The following KIF1A variants were observed in gnomAD, a reference collection of about 807,000 sequenced individuals.
The protein encoded by KIF1A is kinesin-like protein KIF1A.
In KIF1A, 46 loss-of-function variants were observed where a neutral mutation model predicts 227.3. The ratio of observed to expected loss-of-function variants is 0.20; its 90% confidence interval spans 0.16 to 0.26. The LOEUF is 0.26. Ranked by LOEUF, KIF1A falls within the 10% of genes least tolerant of loss-of-function variation. The pLI, the probability that KIF1A is intolerant of heterozygous loss-of-function variation, is 1.00. For synonymous variants in KIF1A, 1,022 were observed against 1,012.8 expected (o/e 1.01, Z -0.17); for missense variants, 1,683 against 2,485.9 (o/e 0.68, Z 6.87).
Position 240,725,510 on chromosome 2 carries a change from C to T in KIF1A, c.4123-106G>A. On this transcript the variant is annotated intron_variant, in intron 39 of 48. Transcript: ENST00000498729. The surrounding 1 kb of genome is among the most constrained non-coding windows in gnomAD (Gnocchi z 5.8). ...AATGCCCAGCACCGACAGGCAGCCC[C>T]AGGGCCTTCCCAGGGCCTCAGGTGT... is the stretch of plus-strand genomic sequence containing the variant. The T allele has an allele frequency of 1.5e-6, 2 of 1,298,580 alleles. No individual in the cohort carries two copies. The highest frequency in any genetic ancestry group is 2.2e-5 in the Admixed American group (1 of 45,884). 80.4% of individuals were successfully genotyped at this position (1,298,580 alleles called of 1,614,324 possible).
Position 240,721,868 on chromosome 2 carries a change from G to T in KIF1A, c.4682C>A (p.Thr1561Lys). 1 of 1,606,178 alleles carries T rather than the reference G, an allele frequency of 6.2e-7. No individual in the cohort carries two copies. ...ELAVKCLRLL[T>K]HTFNREYTHS... ...TGTGTACTCTCTGTTGAATGTGTGC[G>T]TGAGCAGGCGCAAGCACTGTGGACA... The change falls in exon 44 of 49, where the codon ACG (threonine) becomes AAG (lysine). Residue 1561 changes from threonine (T) to lysine (K), a missense_variant. Thr to Lys is a moderately conservative substitution (Grantham distance 78). This residue lies in a region of KIF1A where 384 missense variants were observed against 410.1 expected (regional missense o/e 0.94). Coordinates refer to ENST00000498729, the MANE Select transcript of KIF1A (RefSeq NM_001244008.2).
intron 1 of KIF1A, among the ~76,000 whole-genome samples, chr2:240,815,221 T>C (rs1220057461): frequency 6.6e-6 from 1 of 152,116 alleles, no homozygotes; most frequent in African/African-American, 2.4e-5. Flanking sequence ...CACCGACCCA[T>C]GACCTTGAGC....
rs67736580 is a variant in KIF1A, at chr2:240,766,722, A to ATCTCTC, written c.1684+187_1684+192dup. Among the ~76,000 whole-genome samples, 53 of 122,690 alleles carry ATCTCTC rather than the reference A, an allele frequency of 4.3e-4. No homozygotes were observed. Among genetic ancestry groups the ATCTCTC allele is most frequent in the Admixed American group, 1.4e-3 (17 of 12,428 alleles). The allele number at this position is 122,690 out of a possible 152,430, so 80.5% of individuals were successfully genotyped here. On this transcript the variant is annotated intron_variant, in intron 19 of 48. Coordinates refer to ENST00000498729, the MANE Select transcript of KIF1A (RefSeq NM_001244008.2). The surrounding 1 kb of genome is among the most constrained non-coding windows in gnomAD (Gnocchi z 5.0). Reference sequence around the variant, plus strand: ...CCCAAATATCTCTCTCTCTCTCCAAATCTCTCTCTCTCTCTCTCTCTCTCT... The same window carrying ATCTCTC: ...CCCAAATATCTCTCTCTCTCTCCAAATCTCTCTCTCTCTCTCTCTCTCTCTCTCTCT...
Position 240,793,440 on chromosome 2 carries a change from G to C in KIF1A, c.107-4128C>G, listed in dbSNP as rs866741779. 5.3e-5 allele frequency among the ~76,000 whole-genome samples: 8 copies of C among 152,214 alleles called. No homozygotes were observed. Among genetic ancestry groups the C allele is most frequent in the Admixed American group, 6.5e-5 (1 of 15,288 alleles). On this transcript the variant is annotated intron_variant, in intron 2 of 48. Transcript: ENST00000498729. The surrounding 1 kb of genome is among the most constrained non-coding windows in gnomAD (Gnocchi z 4.8). ...CCCCTCACTCCAGGAACTCACTTCAGGGGCCGCACATGGCTGAGGGTCCGC... is the reference window on the plus strand; with the variant it reads ...CCCCTCACTCCAGGAACTCACTTCACGGGCCGCACATGGCTGAGGGTCCGC...
Position 240,718,995 on chromosome 2 carries a change from C to T in KIF1A, c.5214+11G>A. 1.9e-6 allele frequency: 3 copies of T among 1,593,770 alleles called. No homozygotes were observed. Among genetic ancestry groups the T allele is most frequent in the East Asian group, 2.3e-5 (1 of 44,248 alleles). ...TCCTGGTGCCCGAGCCTGAGCCGGG[C>T]CCAGCCGCACCTTGAGCATAGCCTG... On this transcript the variant is annotated intron_variant, in intron 47 of 48. Coordinates refer to ENST00000498729, the MANE Select transcript of KIF1A (RefSeq NM_001244008.2).
rs1244017531 is a variant in KIF1A, at chr2:240,752,100, G to A, written c.2859-1553C>T. Among the ~76,000 whole-genome samples the A allele has an allele frequency of 1.3e-5, 2 of 151,848 alleles. No individual in the cohort carries two copies. Among genetic ancestry groups the A allele is most frequent in the East Asian group, 1.9e-4 (1 of 5,140 alleles). On this transcript the variant is annotated intron_variant, in intron 27 of 48. Transcript: ENST00000498729. The surrounding 1 kb of genome is among the most constrained non-coding windows in gnomAD (Gnocchi z 6.4). ...TGAAAGTCTCCTCAGGCCTCTCTCC[G>A]GGGGTAAAGGAAGCCCCTGGTGGCT...
In KIF1A at chr2:240,765,801, A is replaced by G. The variant is rs2051096213; in HGVS notation, c.1685-8T>C. On this transcript the variant is annotated splice_polypyrimidine_tract_variant and splice_region_variant and intron_variant, in intron 19 of 48. Transcript: ENST00000498729. The stretch of plus-strand genomic sequence containing the variant: ...GCTCCAAGGTCACCACAGCTACAGG[A>G]AAGGTGGGAGGGGCAGAGAGGAGGA... 10 of 1,610,944 alleles carry G rather than the reference A, an allele frequency of 6.2e-6. No individual in the cohort carries two copies. Among genetic ancestry groups the G allele is most frequent in the Non-Finnish European group, 8.5e-6 (10 of 1,177,542 alleles).
intron 5 of KIF1A, among the ~76,000 whole-genome samples, chr2:240,786,725 G>A: frequency 6.8e-6 from 1 of 147,724 alleles, no homozygotes; most frequent in Non-Finnish European, 1.5e-5. Flanking sequence ...TGAGTGAGGG[G>A]GTGGGGGCTG....
rs73102644 is a variant in KIF1A, at chr2:240,766,430, T to A, written c.1684+485A>T. 0.054 allele frequency among the ~76,000 whole-genome samples: 8,159 copies of A among 152,258 alleles called. 232 individuals are homozygous for A. The highest frequency in any genetic ancestry group is 0.068 in the African/African-American group (2,817 of 41,550). The stretch of plus-strand genomic sequence containing the variant: ...TGGGCAGGCAGGGGAAACGGACAGA[T>A]GGCCGCCCACAGCCAACAGGAAACC... On this transcript the variant is annotated intron_variant, in intron 19 of 48. Transcript: ENST00000498729. This position sits in a 1 kb window ranked among gnomAD's most constrained non-coding sequence, Gnocchi z 5.0.
chr2:240,721,530 G>A (rs1036667058), intron 44 of KIF1A, among the ~76,000 whole-genome samples: 2 of 152,196 alleles, frequency 1.3e-5, no homozygotes, highest in Non-Finnish European at 2.9e-5. Context: ...CAGACAGGGT[G>A]GGGGCCAGGA....
At chr2:240,779,872 C>T (rs1228386853) in intron 10 of KIF1A, among the ~76,000 whole-genome samples, 2 of 152,242 alleles carry the variant, frequency 1.3e-5, no homozygotes, top group Non-Finnish European at 2.9e-5. Context: ...CACATGGCTC[C>T]ACACGCAGGC....
At position 240,758,883 on chromosome 2, in the gene KIF1A, G is replaced by C. The variant is rs963273999; in HGVS notation, c.2445-386C>G. ...AGGCCACAGAGGCGCAAGAGCTCGAGGAATAAAGGGCAAACTGGGGGTAGG... is the reference window on the plus strand; with the variant it reads ...AGGCCACAGAGGCGCAAGAGCTCGACGAATAAAGGGCAAACTGGGGGTAGG... On this transcript the variant is annotated intron_variant, in intron 25 of 48. Coordinates refer to ENST00000498729, the MANE Select transcript of KIF1A (RefSeq NM_001244008.2). This position sits in a 1 kb window ranked among gnomAD's most constrained non-coding sequence, Gnocchi z 5.2. Among the ~76,000 whole-genome samples the C allele has an allele frequency of 2.6e-5, 4 of 152,282 alleles. No homozygotes were observed. Among genetic ancestry groups the C allele is most frequent in the African/African-American group, 9.6e-5 (4 of 41,536 alleles).
intron 12 of KIF1A, among the ~76,000 whole-genome samples, chr2:240,773,795 C>T (rs984955069): frequency 1.3e-5 from 2 of 152,138 alleles, no homozygotes; most frequent in Admixed American, 1.3e-4. Flanking sequence ...GGCTAGGGGC[C>T]CAGGCTCCCC....
chr2:240,772,656 T>C (rs2125965026), intron 13 of KIF1A, 60 bp from the exon 14 acceptor site: 1 of 1,377,468 alleles, frequency 7.3e-7, no homozygotes, highest in Non-Finnish European at 1.0e-6. Flanking sequence ...AACAGGTTTG[T>C]CTCCAGAGGG....
rs754302454 is a variant in KIF1A at position 240,769,636 on chromosome 2, C to T, written c.1412G>A (p.Arg471Gln). Residue 471 changes from arginine (R) to glutamine (Q), a missense_variant, in exon 16 of 49, where the codon CGG (arginine) becomes CAG (glutamine). Arg to Gln is a conservative substitution (Grantham distance 43). Coordinates refer to ENST00000498729, the MANE Select transcript of KIF1A (RefSeq NM_001244008.2). ...TTTCCCCGCTGCACACCTCTCCATC[C>T]GGATGGCTTCTGTCCGCCGCAGCTT... is the stretch of plus-strand genomic sequence containing the variant. ...EEKLRRTEAI[R>Q]MEREALLAEM... is the part of the protein sequence containing the mutation. The T allele has an allele frequency of 2.5e-6, 4 of 1,613,232 alleles. No homozygotes were observed. The highest frequency in any genetic ancestry group is 1.1e-5 in the South Asian group (1 of 91,058).
rs2048562185 is a variant in KIF1A, at chr2:240,746,068, G to T, written c.3173C>A (p.Ala1058Asp). Residue 1058 changes from alanine (A) to aspartate (D), a missense_variant, in exon 30 of 49, where the codon GCC becomes GAC. This residue lies in a region of KIF1A where 759 missense variants were observed against 1,020.2 expected (regional missense o/e 0.74). Coordinates refer to ENST00000498729, the MANE Select transcript of KIF1A (RefSeq NM_001244008.2). ...ACAGGTGTTGTTGTTGACTTCATCG[G>T]CTGAGGGCCCCACGTCTGCACCCTG... The part of the protein sequence containing the change: ...QGQGADVGPS[A>D]DEVNNNTCSA... 1 of 1,603,682 alleles carries T rather than the reference G, an allele frequency of 6.2e-7. No individual in the cohort carries two copies. The highest frequency in any genetic ancestry group is 1.7e-5 in the Admixed American group (1 of 58,756).
chr2:240,782,164 C>A, intron 10 of KIF1A: 1 of 985,388 alleles, frequency 1.0e-6, no homozygotes, highest in Non-Finnish European at 1.2e-6. Context: ...TCCGACTCCA[C>A]ACGCGCCCGC....
intron 5 of KIF1A, among the ~76,000 whole-genome samples, chr2:240,786,839 C>CA (rs2055001006): frequency 1.5e-5 from 2 of 131,804 alleles, no homozygotes; most frequent in Admixed American, 1.5e-4. Flanking sequence ...TGGGGGCTGC[C>CA]TGCTGAGCAG....
At chr2:240,719,228 C>T (rs770089520) in intron 46 of KIF1A, 30 bp from the exon 47 acceptor site, 28 of 1,579,946 alleles carry the variant, frequency 1.8e-5, no homozygotes, top group East Asian at 6.9e-5. Flanking sequence ...CTCGCTGGGG[C>T]CCTCGGTGGG....
Sources: allele counts gnomAD v4.1 joint callset (sites outside exome capture counted in the v4.1 genomes callset), GRCh38; gene constraint gnomAD v4.1.1; regional missense constraint gnomAD v4.1.1; non-coding constraint Gnocchi (gnomAD v3.1); transcripts MANE v1.5; gene names NCBI Gene and HGNC (gene_info 2026-07-23, HGNC 2026-07-21).